Variants in IGF2BP3 observed in about 807,000 individuals in gnomAD.
IGF2BP3 encodes the protein insulin-like growth factor 2 mRNA-binding protein 3.
In IGF2BP3, 9 loss-of-function variants were observed where a neutral mutation model predicts 73.8. The observed-to-expected ratio is 0.12, with a 90% CI of 0.07 to 0.21. IGF2BP3 has a LOEUF of 0.21. Ranked by LOEUF, IGF2BP3 falls within the 10% of genes least tolerant of loss-of-function variation. The probability of loss-of-function intolerance (pLI) is 1.00; values close to 1 mark genes in which losing one functional copy is unlikely to be tolerated. For missense variants in IGF2BP3, 542 were observed against 714.0 expected (o/e 0.76, Z 2.75); for synonymous variants, 258 against 256.7 (o/e 1.01, Z -0.05).
intron 5 of IGF2BP3, among the ~76,000 whole-genome samples, chr7:23,360,796 AG>A (rs1449710646): frequency 2.0e-5 from 3 of 152,184 alleles, no homozygotes; most frequent in African/African-American, 4.8e-5. Context: ...ATCTGGAGGT[AG>A]GTAGTTCAGG....
At chr7:23,350,843 A>C (rs567453758) in intron 6 of IGF2BP3, among the ~76,000 whole-genome samples, 1 of 152,262 alleles carries the variant, frequency 6.6e-6, no homozygotes, top group Non-Finnish European at 1.5e-5. Flanking sequence ...TACATGGCTT[A>C]ATCAGAGGAA....
intron 5 of IGF2BP3, among the ~76,000 whole-genome samples, chr7:23,359,683 C>A (rs1433749826): frequency 1.3e-5 from 2 of 150,472 alleles, no homozygotes; most frequent in African/African-American, 4.9e-5. Flanking sequence ...CCCATGTCTA[C>A]AAAAAAAATA....
chr7:23,394,811 A>C (rs988192583), intron 3 of IGF2BP3: 5 of 152,278 alleles, frequency 3.3e-5, no homozygotes, highest in African/African-American at 1.2e-4. Flanking sequence ...TTGCTTGTTT[A>C]GTTAAGCAAG....
chr7:23,470,042 C>G lies in IGF2BP3; in HGVS notation c.69G>C (p.Lys23Asn). The stretch of plus-strand genomic sequence containing the variant: ...GTCCCGACACCGGGATCTTGGCGTC[C>G]TTGAAGATACTTTCTAGGTCCGAGG... Reference protein sequence around the residue: ...AAPSDLESIFKDAKIPVSGPF... With the variant: ...AAPSDLESIFNDAKIPVSGPF... Residue 23 changes from lysine to asparagine, a missense_variant, in exon 1 of 15, where the codon AAG becomes AAC. Lys to Asn is a moderately conservative substitution (Grantham distance 94). Coordinates refer to ENST00000258729, the MANE Select transcript of IGF2BP3 (RefSeq NM_006547.3). 6.2e-7 allele frequency: 1 copy of G among 1,612,148 alleles called. No homozygotes were observed. Among genetic ancestry groups the G allele is most frequent in the African/African-American group, 1.3e-5 (1 of 75,000 alleles).
At chr7:23,326,510 A>T (rs535306473) in intron 10 of IGF2BP3, among the ~76,000 whole-genome samples, 1 of 151,194 alleles carries the variant, frequency 6.6e-6, no homozygotes, top group Non-Finnish European at 1.5e-5. Flanking sequence ...TCAGTGTGGC[A>T]ATTCCTCAGG....
chr7:23,319,301 C>T (rs375942014), intron 10 of IGF2BP3, 47 bp from the exon 11 acceptor site: 6 of 1,291,082 alleles, frequency 4.6e-6, no homozygotes, highest in Non-Finnish European at 6.7e-6. Context: ...TGCTACAAAT[C>T]AGGCTTTTGT....
At chr7:23,448,878 C>T (rs1407037890) in intron 2 of IGF2BP3, among the ~76,000 whole-genome samples, 1 of 151,918 alleles carries the variant, frequency 6.6e-6, no homozygotes, top group East Asian at 1.9e-4. Flanking sequence ...GTGATCTGCC[C>T]GCCTTGGCCT....
At chr7:23,312,952 T>A (rs1783873952) in intron 13 of IGF2BP3, 104 bp from the exon 14 acceptor site, 1 of 657,960 alleles carries the variant, frequency 1.5e-6, no homozygotes. Context: ...CTTTACAAAT[T>A]TCATTTAATC....
At chr7:23,328,580 T>G (rs1043021561) in intron 10 of IGF2BP3, among the ~76,000 whole-genome samples, 4 of 152,160 alleles carry the variant, frequency 2.6e-5, no homozygotes, top group African/African-American at 9.7e-5. Context: ...AGGAATAACT[T>G]TTGCCTATTT....
chr7:23,385,175 T>C (rs1394998850), intron 3 of IGF2BP3, among the ~76,000 whole-genome samples: 2 of 152,174 alleles, frequency 1.3e-5, no homozygotes, highest in Non-Finnish European at 2.9e-5. Context: ...CTTTATGAAA[T>C]AATGGAGCTC....
At chr7:23,340,385 A>G (rs1282549028) in intron 10 of IGF2BP3, among the ~76,000 whole-genome samples, 2 of 152,146 alleles carry the variant, frequency 1.3e-5, no homozygotes, top group African/African-American at 4.8e-5. Flanking sequence ...AACCCCAATC[A>G]GTTTGGTGGG....
chr7:23,351,423 A>C lies in IGF2BP3; in HGVS notation c.565T>G (p.Ser189Ala), dbSNP rs1460251109. Residue 189 changes from serine to alanine, a missense_variant, in exon 6 of 15, where the codon TCC becomes GCC. This residue lies in a region of IGF2BP3 where 239 missense variants were observed against 241.9 expected (regional missense o/e 0.99). Coordinates refer to ENST00000258729, the MANE Select transcript of IGF2BP3 (RefSeq NM_006547.3). ...GGCAAATCACATGGTTTCTGCTTGG[A>C]TACGGATCCTGGAGACCCCTGCCTT... ...SSRQGSPGSV[S>A]KQKPCDLPLR... The C allele has an allele frequency of 6.2e-7, 1 of 1,613,588 alleles. No homozygotes were observed. Among genetic ancestry groups the C allele is most frequent in the Non-Finnish European group, 8.5e-7 (1 of 1,179,844 alleles).
chr7:23,409,908 C>T (rs1281288302), intron 3 of IGF2BP3, among the ~76,000 whole-genome samples: 2 of 152,186 alleles, frequency 1.3e-5, no homozygotes, highest in Non-Finnish European at 2.9e-5. Context: ...ATGGCTCAAG[C>T]CTCTAATCCC....
chr7:23,462,364 CTTT>C (rs60416705), intron 2 of IGF2BP3, among the ~76,000 whole-genome samples: 5 of 143,202 alleles, frequency 3.5e-5, no homozygotes, highest in African/African-American at 7.8e-5. Flanking sequence ...AAGAATATTT[CTTT>C]TTTTTTTTTT....
chr7:23,349,666 G>A (rs931367382), intron 6 of IGF2BP3, among the ~76,000 whole-genome samples: 2 of 152,162 alleles, frequency 1.3e-5, no homozygotes, highest in African/African-American at 2.4e-5. Flanking sequence ...TAATTTCAAT[G>A]TCAAGAGTTA....
intron 3 of IGF2BP3, among the ~76,000 whole-genome samples, chr7:23,379,918 T>C (rs1241724959): frequency 1.3e-5 from 2 of 152,104 alleles, no homozygotes; most frequent in Admixed American, 1.3e-4. Context: ...TGTTAACGAG[T>C]GAAGTCTTAC....
intron 3 of IGF2BP3, among the ~76,000 whole-genome samples, chr7:23,379,672 A>G (rs1039965995): frequency 6.6e-6 from 1 of 152,196 alleles, no homozygotes; most frequent in African/African-American, 2.4e-5. Flanking sequence ...AACCAAGTTC[A>G]CCTGGAGTTT....
rs757381858 is a variant in IGF2BP3 at position 23,460,178 on chromosome 7, C to CAAAAAAAAA, written c.236+8295_236+8303dup. ...TGGGCAACCGTGCGAGACCCTGCCT[C>CAAAAAAAAA]AAAAAAAAAAAAAAAAAACAAAAAC... On this transcript the variant is annotated intron_variant, in intron 2 of 14. Transcript: ENST00000258729. Among the ~76,000 whole-genome samples, 223 of 55,080 alleles carry CAAAAAAAAA rather than the reference C, an allele frequency of 4.0e-3. 12 individuals are homozygous for CAAAAAAAAA. The highest frequency in any genetic ancestry group is 0.022 in the Middle Eastern group (1 of 46). The allele number at this position is 55,080 out of a possible 152,430, so 36.1% of individuals were successfully genotyped here. A position where few individuals can be genotyped will look rare whatever the true frequency, so the allele number is the denominator to read the frequency against.
intron 2 of IGF2BP3, among the ~76,000 whole-genome samples, chr7:23,464,190 C>T (rs1488389325): frequency 6.6e-6 from 1 of 152,206 alleles, no homozygotes; most frequent in African/African-American, 2.4e-5. Context: ...CCTATTCTAT[C>T]CTTAACACCT....
Sources: allele counts gnomAD v4.1 joint callset (sites outside exome capture counted in the v4.1 genomes callset), GRCh38; gene constraint gnomAD v4.1.1; regional missense constraint gnomAD v4.1.1; transcripts MANE v1.5; gene names NCBI Gene and HGNC (gene_info 2026-07-23, HGNC 2026-07-21).